PTPN13: variants seen among roughly 807,000 people sequenced by gnomAD.
PTPN13 encodes protein tyrosine phosphatase non-receptor type 13, also known as tyrosine-protein phosphatase non-receptor type 13.
In PTPN13, 191 loss-of-function variants were observed where a neutral mutation model predicts 284.0. The ratio of observed to expected loss-of-function variants is 0.67; its 90% CI spans 0.60 to 0.76. The LOEUF is 0.76. PTPN13 is among the 30% of genes least tolerant of loss of function. PTPN13 has a pLI of 0.00. For synonymous variants in PTPN13, 986 were observed against 1,022.3 expected (o/e 0.96, Z 0.68); for missense variants, 2,797 against 2,939.9 (o/e 0.95, Z 1.12).
chr4:86,644,047 A>G (rs184661931), intron 2 of PTPN13, among the ~76,000 whole-genome samples: 36 of 152,314 alleles, frequency 2.4e-4, no homozygotes, highest in African/African-American at 7.9e-4. Flanking sequence ...AACTTACATG[A>G]AATGGACATC....
intron 2 of PTPN13, among the ~76,000 whole-genome samples, chr4:86,640,859 T>G (rs1233465618): frequency 6.6e-6 from 1 of 152,232 alleles, no homozygotes; most frequent in African/African-American, 2.4e-5. Context: ...GTGAGGTAGC[T>G]GTGTCTTAAA....
At position 86,770,098 on chromosome 4, in the gene PTPN13, C is replaced by A; in HGVS notation, c.4705-3C>A. ...CTTCATTTGTCATTCATGGTACCCC[C>A]AGGAAGTCATATCTGCTCTCAGGGG... is the stretch of plus-strand genomic sequence containing the variant. On this transcript the variant is annotated splice_region_variant and splice_polypyrimidine_tract_variant and intron_variant, in intron 29 of 47. Transcript: ENST00000411767. 6.2e-7 allele frequency: 1 copy of A among 1,613,418 alleles called. No homozygotes were observed. The highest frequency in any genetic ancestry group is 2.2e-5 in the East Asian group (1 of 44,866).
intron 2 of PTPN13, among the ~76,000 whole-genome samples, chr4:86,656,160 T>G (rs1350305100): frequency 6.6e-6 from 1 of 152,098 alleles, no homozygotes; most frequent in East Asian, 1.9e-4. Flanking sequence ...TTTTTCAAGG[T>G]TTTTAGCTTC....
chr4:86,808,542 T>C (rs935642556), intron 45 of PTPN13, among the ~76,000 whole-genome samples: 4 of 152,372 alleles, frequency 2.6e-5, no homozygotes, highest in African/African-American at 9.6e-5. Context: ...AAGGAAACAG[T>C]GATTTTACTT....
chr4:86,703,703 C>CA (rs1038988822), intron 7 of PTPN13, among the ~76,000 whole-genome samples: 4 of 151,710 alleles, frequency 2.6e-5, no homozygotes, highest in Admixed American at 6.6e-5. Flanking sequence ...CTCATATCTA[C>CA]AAAAAAAATT....
At position 86,790,284 on chromosome 4, in the gene PTPN13, A is replaced by G. The variant is rs887507887; in HGVS notation, c.6345+4348A>G. Among the ~76,000 whole-genome samples, 4 of 152,322 alleles carry G rather than the reference A, an allele frequency of 2.6e-5. 1 individual carries two copies. Among genetic ancestry groups the G allele is most frequent in the South Asian group, 4.1e-4 (2 of 4,822 alleles). ...AAATTATTATCAGGGTAATTTAATT[A>G]TGGTACTTTTTAACTCTACAAAGTC... On this transcript the variant is annotated intron_variant, in intron 40 of 47. Coordinates refer to ENST00000411767, the MANE Select transcript of PTPN13 (RefSeq NM_080683.3).
intron 5 of PTPN13, 57 bp downstream of exon 5, chr4:86,689,247 C>T: frequency 1.4e-6 from 2 of 1,473,436 alleles, no homozygotes; most frequent in Admixed American, 1.9e-5. Flanking sequence ...GTAGATATCA[C>T]AAAATTTTCT....
At position 86,774,382 on chromosome 4, in the gene PTPN13, C is replaced by T. The variant is rs1740361677; in HGVS notation, c.5359C>T (p.Leu1787Phe). 5 of 1,604,894 alleles carry T rather than the reference C, an allele frequency of 3.1e-6. No individual in the cohort carries two copies. In the South Asian group the frequency reaches 4.5e-5, roughly 14 times the overall value. Reference protein sequence around the residue: ...HLEDFELEVELLITLIKSEKG... With the variant: ...HLEDFELEVEFLITLIKSEKG... Reference sequence around the variant, plus strand: ...TGCTTTTTTCCCTTAGGAAGTAGAACTCCTCATTACCCTAATTAAATCAGA... The same window carrying T: ...TGCTTTTTTCCCTTAGGAAGTAGAATTCCTCATTACCCTAATTAAATCAGA... Residue 1787 changes from leucine to phenylalanine, a missense_variant, in exon 33 of 48, where the codon CTC becomes TTC. Leu to Phe is a conservative substitution (Grantham distance 22). Transcript: ENST00000411767.
chr4:86,686,233 G>A (rs1466616342), intron 3 of PTPN13, among the ~76,000 whole-genome samples: 3 of 152,098 alleles, frequency 2.0e-5, no homozygotes, highest in Admixed American at 1.3e-4. Context: ...ATGGTGGCAG[G>A]CACCTCTAAC....
At position 86,761,139 on chromosome 4, in the gene PTPN13, AATATATATATATATAT is replaced by A. The variant is rs6148556; in HGVS notation, c.3554-1572_3554-1557del. On this transcript the variant is annotated intron_variant, in intron 23 of 47. Coordinates refer to ENST00000411767, the MANE Select transcript of PTPN13 (RefSeq NM_080683.3). Reference sequence around the variant, plus strand: ...TATATGTGATGTGTGTGTGTGTGTAAATATATATATATATATATATATATATATATAAACACAACAC... The same window carrying A: ...TATATGTGATGTGTGTGTGTGTGTAAATATATATATATATAAACACAACAC... 1.3e-4 allele frequency among the ~76,000 whole-genome samples: 16 copies of A among 120,664 alleles called. No homozygotes were observed. In the South Asian group the frequency reaches 2.7e-3, roughly 20 times the overall value. 79.2% of individuals were successfully genotyped at this position (120,664 alleles called of 152,430 possible).
intron 13 of PTPN13, 26 bp from the exon 14 acceptor site, chr4:86,734,711 A>T (rs1735301190): frequency 6.3e-7 from 1 of 1,591,432 alleles, no homozygotes; most frequent in Non-Finnish European, 8.6e-7. Context: ...AAAGGCCAAG[A>T]TGTCTGTGTG....
intron 2 of PTPN13, among the ~76,000 whole-genome samples, chr4:86,653,494 TC>T (rs1258530764): frequency 5.5e-5 from 8 of 146,756 alleles, no homozygotes; most frequent in Non-Finnish European, 9.0e-5. Context: ...GCGCCTCAAC[TC>T]TTTTTTTTTT....
chr4:86,785,943 A>G lies in PTPN13; in HGVS notation c.6345+7A>G, dbSNP rs1741852274. 1.3e-6 allele frequency: 2 copies of G among 1,486,960 alleles called. No individual in the cohort carries two copies. The highest frequency in any genetic ancestry group is 2.0e-5 in the Admixed American group (1 of 49,466). 92.1% of individuals were successfully genotyped at this position (1,486,960 alleles called of 1,614,324 possible). On this transcript the variant is annotated splice_region_variant and intron_variant, in intron 40 of 47. Transcript: ENST00000411767. ...ACCTGAGTATTTTACTGAGGTAACA[A>G]TAATACCTAAACAACCTAGGATATG...
intron 2 of PTPN13, among the ~76,000 whole-genome samples, chr4:86,642,556 G>A (rs1297907016): frequency 6.9e-6 from 1 of 145,414 alleles, no homozygotes; most frequent in Non-Finnish European, 1.5e-5. Context: ...GGGCTCAAGC[G>A]ATTTTCGTGT....
intron 6 of PTPN13, among the ~76,000 whole-genome samples, chr4:86,698,369 G>A (rs890449158): frequency 1.3e-5 from 2 of 152,042 alleles, no homozygotes; most frequent in African/African-American, 4.8e-5. Flanking sequence ...TGCATTTGAG[G>A]GTCTTCTGAA....
At chr4:86,739,208 G>C (rs1157893246) in intron 15 of PTPN13, among the ~76,000 whole-genome samples, 3 of 152,122 alleles carry the variant, frequency 2.0e-5, no homozygotes, top group African/African-American at 4.8e-5. Flanking sequence ...TTTTTAGCAT[G>C]TGGATATACA....
intron 33 of PTPN13, 118 bp downstream of exon 33, chr4:86,774,649 C>G: frequency 1.2e-6 from 1 of 865,510 alleles, no homozygotes; most frequent in Non-Finnish European, 1.6e-6. Flanking sequence ...CTTTCTGTTT[C>G]CACCACTTAA....
At chr4:86,715,481 A>G (rs1241616144) in intron 7 of PTPN13, among the ~76,000 whole-genome samples, 1 of 152,156 alleles carries the variant, frequency 6.6e-6, no homozygotes, top group African/African-American at 2.4e-5. Context: ...AGTCCCAGCT[A>G]CTTGGGAGGC....
In PTPN13 at chr4:86,785,517, T is replaced by A. The variant is rs1741798654; in HGVS notation, c.6256+149T>A. On this transcript the variant is annotated intron_variant, in intron 39 of 47. Coordinates refer to ENST00000411767, the MANE Select transcript of PTPN13 (RefSeq NM_080683.3). ...CAGAAACAAAACAGAATTTGTTATCTCCTATTTTTTTTATTTTCCATATTT... is the reference window on the plus strand; with the variant it reads ...CAGAAACAAAACAGAATTTGTTATCACCTATTTTTTTTATTTTCCATATTT... 14 of 751,096 alleles carry A rather than the reference T, an allele frequency of 1.9e-5. No individual in the cohort carries two copies. The South Asian group carries it at 3.9e-4, about 21-fold the overall frequency. The allele number at this position is 751,096 out of a possible 1,614,324, so 46.5% of individuals were successfully genotyped here.
Sources: allele counts gnomAD v4.1 joint callset (sites outside exome capture counted in the v4.1 genomes callset), GRCh38; gene constraint gnomAD v4.1.1; transcripts MANE v1.5; gene names NCBI Gene and HGNC (gene_info 2026-07-23, HGNC 2026-07-21).